The following CUX1 variants were observed in gnomAD, a reference collection of about 807,000 sequenced individuals.
CUX1 encodes cut like homeobox 1, also known as protein CASP.
A neutral mutation model predicts 158.8 loss-of-function variants in CUX1; 31 were observed. That is an observed-to-expected ratio of 0.20 (90% CI 0.15 to 0.26). CUX1 has a LOEUF of 0.26. CUX1 is among the 10% of genes least tolerant of loss of function. The probability of loss-of-function intolerance (pLI) is 1.00; values close to 1 mark genes in which losing one functional copy is unlikely to be tolerated. For missense variants in CUX1, 1,589 were observed against 2,014.6 expected (o/e 0.79, Z 4.04); for synonymous variants, 879 against 862.1 (o/e 1.02, Z -0.34).
intron 2 of CUX1, among the ~76,000 whole-genome samples, chr7:101,928,990 T>C (rs969667539): frequency 6.6e-6 from 1 of 151,822 alleles, no homozygotes; most frequent in African/African-American, 2.4e-5. Context: ...TTTAAAGTTA[T>C]AAATGTGACG....
At chr7:102,113,444 C>T (rs1161438326) in intron 7 of CUX1, among the ~76,000 whole-genome samples, 1 of 151,448 alleles carries the variant, frequency 6.6e-6, no homozygotes, top group Non-Finnish European at 1.5e-5. Flanking sequence ...TGTATTTTTA[C>T]GAGGTTTCGC....
intron 2 of CUX1, among the ~76,000 whole-genome samples, chr7:101,923,968 G>A (rs746451863): frequency 6.6e-6 from 1 of 152,192 alleles, no homozygotes; most frequent in Non-Finnish European, 1.5e-5. Flanking sequence ...AAAAATTCAG[G>A]CTTGGGAGTT....
intron 1 of CUX1, among the ~76,000 whole-genome samples, chr7:101,915,273 C>T (rs1021462704): frequency 5.9e-5 from 9 of 152,166 alleles, no homozygotes; most frequent in African/African-American, 2.2e-4. Flanking sequence ...ATCCTCTTGG[C>T]AGCTCTTCCC....
At chr7:101,856,257 A>G (rs1411861236) in intron 1 of CUX1, among the ~76,000 whole-genome samples, 1 of 152,034 alleles carries the variant, frequency 6.6e-6, no homozygotes, top group African/African-American at 2.4e-5. Flanking sequence ...TGTGCAGTAA[A>G]GCACAAGTTT....
exon 17 of CUX1, chr7:102,275,300 C>T (rs1554547475): frequency 6.2e-7 from 1 of 1,612,948 alleles, no homozygotes; most frequent in East Asian, 2.2e-5. Flanking sequence ...GGATTCACTG[C>T]TTTCCATCAT....
At chr7:101,917,133 C>T (rs1401883110) in intron 2 of CUX1, among the ~76,000 whole-genome samples, 2 of 152,220 alleles carry the variant, frequency 1.3e-5, no homozygotes, top group African/African-American at 2.4e-5. Flanking sequence ...GCTCTTGGCT[C>T]CTCCATATAA....
intron 1 of CUX1, among the ~76,000 whole-genome samples, chr7:101,875,945 G>A (rs1799082504): frequency 6.6e-6 from 1 of 152,106 alleles, no homozygotes; most frequent in Non-Finnish European, 1.5e-5. Flanking sequence ...AGATGGCCAT[G>A]AATCCTATGA....
intron 1 of CUX1, among the ~76,000 whole-genome samples, chr7:101,907,963 A>G (rs1802947934): frequency 6.6e-6 from 1 of 152,190 alleles, no homozygotes; most frequent in African/African-American, 2.4e-5. Context: ...TATTAAAGAA[A>G]AAAAAAACCA....
intron 20 of CUX1, among the ~76,000 whole-genome samples, chr7:102,222,991 A>G (rs111348164): frequency 1.3e-5 from 2 of 150,272 alleles, no homozygotes; most frequent in African/African-American, 4.9e-5. Flanking sequence ...TTTAGTAGAG[A>G]TGGGGTTTCA....
chr7:102,253,408 G>C lies in CUX1; in HGVS notation c.*4366G>C. 2.0e-6 allele frequency: 2 copies of C among 985,494 alleles called. No individual in the cohort carries two copies. The highest frequency in any genetic ancestry group is 1.2e-6 in the Non-Finnish European group (1 of 829,960). The allele number at this position is 985,494 out of a possible 1,614,324, so 61.0% of individuals were successfully genotyped here. ...ATGCCACAGCCAGGCCCTAAAAAGAGAGGGGAACAGGAGTCCCCAGGTGAG... is the reference window on the plus strand; with the variant it reads ...ATGCCACAGCCAGGCCCTAAAAAGACAGGGGAACAGGAGTCCCCAGGTGAG... On this transcript the variant is annotated 3_prime_UTR_variant, in exon 24 of 24. Coordinates refer to ENST00000292535, the MANE Select transcript of CUX1 (RefSeq NM_181552.4).
At chr7:102,184,918 T>A (rs1386141794) in intron 11 of CUX1, among the ~76,000 whole-genome samples, 1 of 152,084 alleles carries the variant, frequency 6.6e-6, no homozygotes, top group East Asian at 1.9e-4. Context: ...AGTGCTGGGA[T>A]TCAAGGCATG....
At chr7:101,832,668 G>A (rs149018573) in intron 1 of CUX1, among the ~76,000 whole-genome samples, 34 of 152,268 alleles carry the variant, frequency 2.2e-4, no homozygotes, top group African/African-American at 7.9e-4. Context: ...AAATAAACCC[G>A]AACCTTTCAA....
chr7:102,259,164 T>C (rs1262583629), downstream of CUX1, among the ~76,000 whole-genome samples: 1 of 152,184 alleles, frequency 6.6e-6, no homozygotes, highest in Non-Finnish European at 1.5e-5. Flanking sequence ...ACCCAGAGTA[T>C]GGGATGGAGA....
intron 2 of CUX1, among the ~76,000 whole-genome samples, chr7:101,948,021 A>T (rs1461157734): frequency 2.0e-5 from 3 of 152,168 alleles, no homozygotes; most frequent in Non-Finnish European, 2.9e-5. Flanking sequence ...GCTGAGTTTT[A>T]TCTCTGCGTC....
rs75360293 is a variant in CUX1 at position 101,895,914 on chromosome 7, T to G, written c.31-20201T>G. 3.0e-3 allele frequency among the ~76,000 whole-genome samples: 392 copies of G among 131,308 alleles called. 3 individuals carry two copies. Among genetic ancestry groups the G allele is most frequent in the Non-Finnish European group, 4.7e-3 (292 of 61,806 alleles). 86.1% of individuals were successfully genotyped at this position (131,308 alleles called of 152,430 possible). ...AAGTTTTTTTTTTGTTTTTGTTTTT[T>G]TTTTTTTTTTTTGGAGACAGGGTCT... On this transcript the variant is annotated intron_variant, in intron 1 of 23. Transcript: ENST00000292535.
At chr7:101,905,974 C>T (rs1016799457) in intron 1 of CUX1, among the ~76,000 whole-genome samples, 6 of 152,008 alleles carry the variant, frequency 3.9e-5, no homozygotes, top group Admixed American at 1.3e-4. Flanking sequence ...AGGTGTGCGC[C>T]ACCATGCCCA....
intron 8 of CUX1, among the ~76,000 whole-genome samples, chr7:102,122,113 C>T (rs1832112137): frequency 6.6e-6 from 1 of 152,084 alleles, no homozygotes; most frequent in Non-Finnish European, 1.5e-5. Context: ...ATATTGCATC[C>T]CCTGATTGAA....
chr7:101,996,874 A>T (rs1815976459), intron 2 of CUX1, among the ~76,000 whole-genome samples: 1 of 151,898 alleles, frequency 6.6e-6, no homozygotes, highest in African/African-American at 2.4e-5. Flanking sequence ...CTGCCCATGG[A>T]AATCTCGTGT....
intron 2 of CUX1, among the ~76,000 whole-genome samples, chr7:102,011,313 T>C (rs1054956507): frequency 2.6e-5 from 4 of 151,876 alleles, no homozygotes. Context: ...GATTTTGTGA[T>C]CCTCTGCCTG....
Sources: allele counts gnomAD v4.1 joint callset (sites outside exome capture counted in the v4.1 genomes callset), GRCh38; gene constraint gnomAD v4.1.1; transcripts MANE v1.5; gene names NCBI Gene and HGNC (gene_info 2026-07-23, HGNC 2026-07-21).